Variants in IQCJ observed in about 807,000 individuals in gnomAD.
IQCJ encodes IQ domain-containing protein J.
A neutral mutation model predicts 11.0 loss-of-function variants in IQCJ; 9 were observed. The ratio of observed to expected loss-of-function variants is 0.82; its 90% confidence interval spans 0.49 to 1.43. The LOEUF is 1.43. IQCJ is among the 40% of genes most tolerant of loss of function. The probability of loss-of-function intolerance (pLI) is 0.00; values close to 1 mark genes in which losing one functional copy is unlikely to be tolerated. For synonymous variants in IQCJ, 55 were observed against 51.3 expected, an observed-to-expected ratio of 1.07 and a Z score of -0.31; for missense variants, 146 against 133.2, an observed-to-expected ratio of 1.10 and a Z score of -0.47.
chr3:159,094,689 GA>G, intron 1 of IQCJ, among the ~76,000 whole-genome samples: 1 of 151,706 alleles, frequency 6.6e-6, no homozygotes, highest in East Asian at 1.9e-4. Flanking sequence ...CCTTAGAACA[GA>G]AAAATGAGAT....
chr3:159,141,118 A>T (rs1720578412), intron 1 of IQCJ, among the ~76,000 whole-genome samples: 1 of 151,722 alleles, frequency 6.6e-6, no homozygotes, highest in Admixed American at 6.6e-5. Flanking sequence ...CCCAAGAAGG[A>T]CTAGATCTCA....
chr3:159,079,541 A>C (rs185342340), intron 1 of IQCJ, among the ~76,000 whole-genome samples: 160 of 152,268 alleles, frequency 1.1e-3, no homozygotes, highest in African/African-American at 3.6e-3. Flanking sequence ...AAATATACAG[A>C]ATCAAGATGA....
intron 1 of IQCJ, among the ~76,000 whole-genome samples, chr3:159,104,920 A>G (rs1398828983): frequency 2.0e-5 from 3 of 152,212 alleles, no homozygotes; most frequent in Non-Finnish European, 1.5e-5. Context: ...GTACTAGTCA[A>G]TAAGCTCCCA....
chr3:159,075,479 G>A (rs142936027), intron 1 of IQCJ, among the ~76,000 whole-genome samples: 1,738 of 152,096 alleles, frequency 0.011, 12 homozygotes, highest in Admixed American at 0.027. Context: ...TGATAACAGA[G>A]ATCTAATGCC....
chr3:159,146,184 T>C (rs139364913), intron 1 of IQCJ, among the ~76,000 whole-genome samples: 4 of 152,284 alleles, frequency 2.6e-5, no homozygotes, highest in Non-Finnish European at 4.4e-5. Context: ...CATTGGCCTT[T>C]GAAAGGCAGG....
intron 1 of IQCJ, among the ~76,000 whole-genome samples, chr3:159,129,144 A>G (rs1289707571): frequency 6.6e-6 from 1 of 152,210 alleles, no homozygotes; most frequent in East Asian, 1.9e-4. Context: ...TCTCTGATGT[A>G]TTAATAATTA....
intron 1 of IQCJ, among the ~76,000 whole-genome samples, chr3:159,161,905 C>G (rs1025237274): frequency 1.3e-5 from 2 of 152,138 alleles, no homozygotes; most frequent in Non-Finnish European, 2.9e-5. Flanking sequence ...TGTTTTGGTA[C>G]CAGTACCATG....
intron 1 of IQCJ, among the ~76,000 whole-genome samples, chr3:159,215,427 A>G (rs1725171771): frequency 6.6e-6 from 1 of 152,102 alleles, no homozygotes; most frequent in Non-Finnish European, 1.5e-5. Context: ...AAATATTGAA[A>G]TGCCAAGGTG....
chr3:159,137,730 G>T (rs1313272110), intron 1 of IQCJ, among the ~76,000 whole-genome samples: 2 of 152,096 alleles, frequency 1.3e-5, no homozygotes, highest in Non-Finnish European at 2.9e-5. Context: ...CATGATTCTA[G>T]CATCAGTAAC....
At chr3:159,162,800 T>A (rs929650091) in intron 1 of IQCJ, among the ~76,000 whole-genome samples, 1 of 152,136 alleles carries the variant, frequency 6.6e-6, no homozygotes, top group African/African-American at 2.4e-5. Flanking sequence ...AACACCTCTA[T>A]GCAAATAAAC....
intron 1 of IQCJ, among the ~76,000 whole-genome samples, chr3:159,148,451 A>G (rs1721030814): frequency 6.6e-6 from 1 of 152,224 alleles, no homozygotes; most frequent in African/African-American, 2.4e-5. Flanking sequence ...GTCAGTTCTC[A>G]ATATGTTTAT....
At chr3:159,173,447 T>G (rs747594272) in intron 1 of IQCJ, among the ~76,000 whole-genome samples, 1 of 152,198 alleles carries the variant, frequency 6.6e-6, no homozygotes, top group Non-Finnish European at 1.5e-5. Context: ...CTTTACCAAT[T>G]TACTTGCTGA....
intron 1 of IQCJ, among the ~76,000 whole-genome samples, chr3:159,145,010 C>A (rs1043358951): frequency 1.3e-5 from 2 of 152,092 alleles, no homozygotes; most frequent in Non-Finnish European, 2.9e-5. Context: ...TTTTCTTTTG[C>A]TGCTGTATCA....
Position 159,263,448 on chromosome 3 carries a change from T to G in IQCJ, c.*717T>G. 1.0e-6 allele frequency: 1 copy of G among 984,736 alleles called. No homozygotes were observed. 61.0% of individuals were successfully genotyped at this position (984,736 alleles called of 1,614,324 possible). On this transcript the variant is annotated 3_prime_UTR_variant, in exon 4 of 4. Transcript: ENST00000397832. ...AGGGAATCTGCTGGAAGTCTTTATT[T>G]TTAAAAAACACCAAAAGTGGGAAGA...
At chr3:159,160,627 A>G (rs1371343270) in intron 1 of IQCJ, among the ~76,000 whole-genome samples, 1 of 151,546 alleles carries the variant, frequency 6.6e-6, no homozygotes, top group Admixed American at 6.6e-5. Context: ...GGTGTGCTGC[A>G]CCCATTAACT....
intron 1 of IQCJ, among the ~76,000 whole-genome samples, chr3:159,187,469 C>T (rs188582363): frequency 4.5e-4 from 68 of 152,366 alleles, no homozygotes; most frequent in Admixed American, 4.4e-3. Flanking sequence ...TGTGACTACA[C>T]GTCCTTTTCA....
At chr3:159,164,012 C>T (rs777556614) in intron 1 of IQCJ, among the ~76,000 whole-genome samples, 2 of 152,088 alleles carry the variant, frequency 1.3e-5, no homozygotes, top group African/African-American at 4.8e-5. Context: ...AATCTTTAAT[C>T]TTTAGGTTAA....
At chr3:159,075,231 T>C (rs533523694) in intron 1 of IQCJ, among the ~76,000 whole-genome samples, 163 of 152,264 alleles carry the variant, frequency 1.1e-3, no homozygotes, top group Non-Finnish European at 1.9e-3. Context: ...CCCTGAAAAC[T>C]GAACAACATA....
chr3:159,243,541 G>A (rs183397622), intron 1 of IQCJ, among the ~76,000 whole-genome samples: 11 of 151,902 alleles, frequency 7.2e-5, no homozygotes, highest in East Asian at 5.8e-4. Flanking sequence ...AAATTTATAC[G>A]AAAGTCTAGA....
Sources: gnomAD v4.1 joint callset for allele counts (sites outside exome capture counted in the v4.1 genomes callset) on GRCh38, gnomAD v4.1.1 for gene constraint, MANE v1.5 for transcripts, NCBI Gene and HGNC (gene_info 2026-07-23, HGNC 2026-07-21) for gene names.